GRM5: variants seen among roughly 807,000 people sequenced by gnomAD.
The protein encoded by GRM5 is glutamate metabotropic receptor 5.
Under a neutral mutation model 83.1 loss-of-function variants are expected in GRM5, and 19 were observed. The ratio of observed to expected loss-of-function variants is 0.23; its 90% confidence interval spans 0.16 to 0.34. The LOEUF (loss-of-function observed/expected upper bound fraction) is 0.34. GRM5 is among the 10% of genes least tolerant of loss of function. The probability of loss-of-function intolerance (pLI) is 1.00; values close to 1 mark genes in which losing one functional copy is unlikely to be tolerated. For synonymous variants in GRM5, 675 were observed against 633.6 expected, an observed-to-expected ratio of 1.07 and a Z score of -0.98; for missense variants, 1,160 against 1,588.3, an observed-to-expected ratio of 0.73 and a Z score of 4.58.
chr11:88,996,877 A>C (rs2135060501), intron 2 of GRM5, among the ~76,000 whole-genome samples: 1 of 152,364 alleles, frequency 6.6e-6, no homozygotes, highest in East Asian at 1.9e-4. Flanking sequence ...AATATTAAAC[A>C]ATACACTGCT....
intron 1 of GRM5, among the ~76,000 whole-genome samples, chr11:89,052,985 T>C (rs1941792240): frequency 3.3e-5 from 5 of 152,170 alleles, no homozygotes; most frequent in Admixed American, 3.3e-4. Context: ...CTGTTGACTT[T>C]ATAACACATT....
chr11:88,564,555 G>A (rs980199718), intron 8 of GRM5, among the ~76,000 whole-genome samples: 1 of 152,208 alleles, frequency 6.6e-6, no homozygotes, highest in Non-Finnish European at 1.5e-5. Context: ...ACAGGGCACT[G>A]TTGCCTTAAT....
At chr11:89,041,683 T>C (rs1033090178) in intron 2 of GRM5, among the ~76,000 whole-genome samples, 1 of 152,240 alleles carries the variant, frequency 6.6e-6, no homozygotes, top group Non-Finnish European at 1.5e-5. Context: ...CTGTATTTTT[T>C]TCACTGCTAG....
chr11:88,816,219 CAAAAAAAAAAAAAAAA>C (rs1183223330), intron 3 of GRM5, among the ~76,000 whole-genome samples: 2 of 44,956 alleles, frequency 4.4e-5, no homozygotes, highest in South Asian at 9.1e-4. Context: ...GACTCCGTCT[CAAAAAAAAAAAAAAAA>C]AAAAAAAAAA....
chr11:88,619,142 G>T (rs554943865), intron 4 of GRM5, among the ~76,000 whole-genome samples: 1 of 152,130 alleles, frequency 6.6e-6, no homozygotes, highest in Non-Finnish European at 1.5e-5. Flanking sequence ...CTTTACAGCC[G>T]CTCAAAACAT....
intron 8 of GRM5, among the ~76,000 whole-genome samples, chr11:88,526,826 G>A (rs138034770): frequency 2.0e-5 from 3 of 151,970 alleles, no homozygotes; most frequent in Admixed American, 6.6e-5. Flanking sequence ...CCTATTTAAC[G>A]GACATTAGTT....
chr11:88,673,362 G>T (rs1403169945), intron 3 of GRM5, among the ~76,000 whole-genome samples: 1 of 151,856 alleles, frequency 6.6e-6, no homozygotes, highest in Non-Finnish European at 1.5e-5. Flanking sequence ...CGAATTTTCT[G>T]ATTTGAGTGA....
chr11:88,729,884 A>G (rs532119467), intron 3 of GRM5, among the ~76,000 whole-genome samples: 1 of 152,228 alleles, frequency 6.6e-6, no homozygotes, highest in Non-Finnish European at 1.5e-5. Flanking sequence ...TTAACTCAAG[A>G]TGTGTTAAAG....
chr11:89,028,919 T>G (rs1276524985), intron 2 of GRM5, among the ~76,000 whole-genome samples: 1 of 152,206 alleles, frequency 6.6e-6, no homozygotes, highest in Non-Finnish European at 1.5e-5. Flanking sequence ...GTATTTTTCC[T>G]AATGCTATCC....
chr11:88,851,278 G>T (rs1944386346), intron 2 of GRM5, among the ~76,000 whole-genome samples: 1 of 152,056 alleles, frequency 6.6e-6, no homozygotes, highest in Non-Finnish European at 1.5e-5. Context: ...ATATATAAGG[G>T]GGATTGCTTT....
At chr11:88,928,270 G>C (rs1040206365) in intron 2 of GRM5, among the ~76,000 whole-genome samples, 1 of 152,024 alleles carries the variant, frequency 6.6e-6, no homozygotes, top group Non-Finnish European at 1.5e-5. Context: ...TTATATAATT[G>C]TAGGCGAATC....
intron 3 of GRM5, among the ~76,000 whole-genome samples, chr11:88,678,632 T>C (rs1015112661): frequency 1.3e-5 from 2 of 152,144 alleles, no homozygotes; most frequent in African/African-American, 4.8e-5. Context: ...TTTGATGCCA[T>C]AAGAGTTGAG....
chr11:89,052,059 A>T (rs908697558), intron 1 of GRM5, among the ~76,000 whole-genome samples: 1 of 152,210 alleles, frequency 6.6e-6, no homozygotes, highest in African/African-American at 2.4e-5. Flanking sequence ...TTTTGACAGC[A>T]TTAATACAGA....
intron 3 of GRM5, among the ~76,000 whole-genome samples, chr11:88,832,145 C>T (rs1193340902): frequency 6.6e-6 from 1 of 152,146 alleles, no homozygotes; most frequent in Non-Finnish European, 1.5e-5. Flanking sequence ...CTACTGCACA[C>T]ACTCAGAGCC....
At chr11:88,693,625 C>T (rs1486584742) in intron 3 of GRM5, among the ~76,000 whole-genome samples, 2 of 152,206 alleles carry the variant, frequency 1.3e-5, no homozygotes, top group African/African-American at 4.8e-5. Context: ...GGAGACTGGG[C>T]TCACCTCTCC....
chr11:88,726,106 G>C (rs1941673415), intron 3 of GRM5, among the ~76,000 whole-genome samples: 1 of 152,120 alleles, frequency 6.6e-6, no homozygotes, highest in Admixed American at 6.6e-5. Context: ...AAAGGAGCAT[G>C]TTCTAACCCA....
At chr11:88,835,066 A>T (rs1944068584) in intron 3 of GRM5, among the ~76,000 whole-genome samples, 1 of 152,282 alleles carries the variant, frequency 6.6e-6, no homozygotes, top group East Asian at 1.9e-4. Context: ...CTTTACCCAC[A>T]CTTTCAAGGA....
chr11:88,632,152 TTC>T (rs1303370480), intron 4 of GRM5, among the ~76,000 whole-genome samples: 1 of 151,842 alleles, frequency 6.6e-6, no homozygotes, highest in African/African-American at 2.4e-5. Context: ...TCACTCCCCA[TTC>T]CCATCCCCAG....
In GRM5 at chr11:88,908,237, G is replaced by A. The variant is rs535317981; in HGVS notation, c.662-58082C>T. 2.2e-3 allele frequency among the ~76,000 whole-genome samples: 335 copies of A among 152,072 alleles called. 2 individuals carry two copies. The highest frequency in any genetic ancestry group is 2.5e-3 in the Non-Finnish European group (171 of 67,978). ...CCATCTTGCAAACCTACTCTCCCCT[G>A]TCTTCTACCTAGGAACTGTAATAGG... is the stretch of plus-strand genomic sequence containing the variant. On this transcript the variant is annotated intron_variant, in intron 2 of 9. Transcript: ENST00000305447.
Sources: gnomAD v4.1 joint callset for allele counts (sites outside exome capture counted in the v4.1 genomes callset) on GRCh38, gnomAD v4.1.1 for gene constraint, MANE v1.5 for transcripts, NCBI Gene and HGNC (gene_info 2026-07-23, HGNC 2026-07-21) for gene names.